Variants in TRPC4 observed in about 807,000 individuals in gnomAD.
TRPC4 encodes the protein transient receptor potential cation channel subfamily C member 4, also known as short transient receptor potential channel 4.
TRPC4 carries 49 observed loss-of-function variants against 99.4 expected under a neutral mutation model. The ratio of observed to expected loss-of-function variants is 0.49; its 90% confidence interval spans 0.39 to 0.63. The LOEUF is 0.63. TRPC4 is among the 20% of genes least tolerant of loss of function. TRPC4 has a pLI of 0.00. For synonymous variants in TRPC4, 454 were observed against 425.9 expected (o/e 1.07, Z -0.81); for missense variants, 898 against 1,152.9 (o/e 0.78, Z 3.20).
intron 1 of TRPC4, among the ~76,000 whole-genome samples, chr13:37,844,772 G>A (rs150996454): frequency 6.6e-6 from 1 of 152,274 alleles, no homozygotes; most frequent in Non-Finnish European, 1.5e-5. Context: ...ACAAAACCGT[G>A]ATACTCTTCT....
chr13:37,742,032 T>C (rs923774041), intron 3 of TRPC4, among the ~76,000 whole-genome samples: 1 of 152,052 alleles, frequency 6.6e-6, no homozygotes, highest in African/African-American at 2.4e-5. Context: ...GTTGCTAAAA[T>C]ACATTCATTT....
chr13:37,667,539 C>G (rs374442268), intron 5 of TRPC4, among the ~76,000 whole-genome samples: 1 of 152,200 alleles, frequency 6.6e-6, no homozygotes, highest in Non-Finnish European at 1.5e-5. Context: ...AACTCCTGAT[C>G]TCAGGTGGTC....
At chr13:37,754,470 A>G (rs549938841) in intron 2 of TRPC4, among the ~76,000 whole-genome samples, 2 of 152,288 alleles carry the variant, frequency 1.3e-5, no homozygotes, top group African/African-American at 4.8e-5. Flanking sequence ...AAATCTATAG[A>G]CATAAAGGCA....
chr13:37,732,419 G>T (rs1171721893), intron 3 of TRPC4, among the ~76,000 whole-genome samples: 3 of 151,982 alleles, frequency 2.0e-5, no homozygotes, highest in Non-Finnish European at 2.9e-5. Flanking sequence ...AGACAAGGGT[G>T]CCACTTTTAC....
rs561537939 is a variant in TRPC4, at chr13:37,743,766, G to A, written c.897+2171C>T. Among the ~76,000 whole-genome samples the A allele has an allele frequency of 2.9e-4, 44 of 152,202 alleles. No individual in the cohort carries two copies. The South Asian group carries it at 6.6e-3, about 23-fold the overall frequency. On this transcript the variant is annotated intron_variant, in intron 3 of 10. Coordinates refer to ENST00000379705, the MANE Select transcript of TRPC4 (RefSeq NM_016179.4). ...AAATTCAAATTACAATTTCTATCTC[G>A]AACAACTCTTTGACAGGAATTTGGC... is the stretch of plus-strand genomic sequence containing the variant.
intron 1 of TRPC4, among the ~76,000 whole-genome samples, chr13:37,812,663 T>C (rs1359010804): frequency 6.6e-6 from 1 of 152,054 alleles, no homozygotes; most frequent in Admixed American, 6.6e-5. Flanking sequence ...TATATTTAAT[T>C]AGTGCCTCTT....
intron 1 of TRPC4, among the ~76,000 whole-genome samples, chr13:37,801,650 G>C (rs1382972930): frequency 6.6e-6 from 1 of 151,992 alleles, no homozygotes; most frequent in Non-Finnish European, 1.5e-5. Context: ...CTGTCTTTGG[G>C]CACTAAGTGG....
chr13:37,682,922 CT>C (rs35740848), intron 4 of TRPC4, among the ~76,000 whole-genome samples: 51,020 of 109,262 alleles, frequency 0.47, 10,913 homozygotes, highest in East Asian at 0.8. Flanking sequence ...GCCCAGCTAT[CT>C]TTTTTTTTTT....
chr13:37,819,398 T>C (rs1957951532), intron 1 of TRPC4, among the ~76,000 whole-genome samples: 1 of 152,004 alleles, frequency 6.6e-6, no homozygotes, highest in African/African-American at 2.4e-5. Context: ...TGTAGCACTA[T>C]GTATAATAGG....
chr13:37,682,923 T>TC (rs1491394593), intron 4 of TRPC4, among the ~76,000 whole-genome samples: 1 of 21,376 alleles, frequency 4.7e-5, no homozygotes, highest in African/African-American at 2.6e-4. Context: ...CCCAGCTATC[T>TC]TTTTTTTTTT....
chr13:37,690,807 GCTGT>G (rs1432086624), intron 4 of TRPC4, among the ~76,000 whole-genome samples: 5 of 113,738 alleles, frequency 4.4e-5, no homozygotes, highest in East Asian at 2.4e-4. Context: ...TCTCAAATAG[GCTGT>G]CTTTTTTTTT....
chr13:37,822,096 C>T (rs1381785017), intron 1 of TRPC4, among the ~76,000 whole-genome samples: 2 of 151,876 alleles, frequency 1.3e-5, no homozygotes, highest in African/African-American at 4.8e-5. Context: ...ATATAAGTAA[C>T]TTAAATTTAT....
intron 1 of TRPC4, among the ~76,000 whole-genome samples, chr13:37,818,088 C>G (rs75856343): frequency 6.6e-6 from 1 of 151,632 alleles, no homozygotes; most frequent in Non-Finnish European, 1.5e-5. Flanking sequence ...TGATTAATAG[C>G]GTGAACAGAC....
At chr13:37,638,562 A>C (rs946867627) in intron 10 of TRPC4, among the ~76,000 whole-genome samples, 4 of 152,174 alleles carry the variant, frequency 2.6e-5, no homozygotes, top group Non-Finnish European at 5.9e-5. Context: ...ATGTGATTCA[A>C]GCATATAATA....
chr13:37,652,389 G>A (rs976590518), intron 7 of TRPC4, among the ~76,000 whole-genome samples: 1 of 152,254 alleles, frequency 6.6e-6, no homozygotes, highest in Non-Finnish European at 1.5e-5. Flanking sequence ...TGCTGTGTGC[G>A]GATGAATAAG....
At chr13:37,684,364 T>G (rs543884634) in intron 4 of TRPC4, among the ~76,000 whole-genome samples, 138 of 152,276 alleles carry the variant, frequency 9.1e-4, no homozygotes, top group African/African-American at 2.5e-3. Flanking sequence ...AAGTACACAT[T>G]TTTAAGTTTA....
At chr13:37,698,296 G>A (rs1953989987) in intron 3 of TRPC4, among the ~76,000 whole-genome samples, 1 of 149,866 alleles carries the variant, frequency 6.7e-6, no homozygotes, top group African/African-American at 2.5e-5. Context: ...GAGGTAGCTG[G>A]GACTACAGGT....
chr13:37,670,814 G>A lies in TRPC4; in HGVS notation c.1374+3414C>T, dbSNP rs1952813088. On this transcript the variant is annotated intron_variant, in intron 5 of 10. Transcript: ENST00000379705. ...TTTAGGATCATCCAAAATAGATAGTGAACTCTGCTTGTTAAACACTCTGAC... is the reference window on the plus strand; with the variant it reads ...TTTAGGATCATCCAAAATAGATAGTAAACTCTGCTTGTTAAACACTCTGAC... Among the ~76,000 whole-genome samples, 3 of 152,150 alleles carry A rather than the reference G, an allele frequency of 2.0e-5. No individual in the cohort carries two copies. In the South Asian group the frequency reaches 6.2e-4, roughly 32 times the overall value.
intron 5 of TRPC4, among the ~76,000 whole-genome samples, chr13:37,669,635 G>A (rs950986319): frequency 6.6e-6 from 1 of 152,022 alleles, no homozygotes; most frequent in Non-Finnish European, 1.5e-5. Context: ...TTTTATATTA[G>A]GTTCTATTCT....
Sources: allele counts gnomAD v4.1 joint callset (sites outside exome capture counted in the v4.1 genomes callset), GRCh38; gene constraint gnomAD v4.1.1; transcripts MANE v1.5; gene names NCBI Gene and HGNC (gene_info 2026-07-23, HGNC 2026-07-21).